PCNX1: variants seen among roughly 807,000 people sequenced by gnomAD.
PCNX1 encodes the protein pecanex 1, also known as pecanex-like protein 1.
Under a neutral mutation model 242.2 loss-of-function variants are expected in PCNX1, and 78 were observed. The observed-to-expected ratio is 0.32, with a 90% CI of 0.27 to 0.39. The LOEUF (loss-of-function observed/expected upper bound fraction) is 0.39. Among genes scored for constraint, PCNX1 ranks in the 10% least tolerant of loss-of-function variants. The probability of loss-of-function intolerance (pLI) is 1.00; values close to 1 mark genes in which losing one functional copy is unlikely to be tolerated. For missense variants in PCNX1, 2,581 were observed against 2,856.5 expected, an observed-to-expected ratio of 0.90 and a Z score of 2.20; for synonymous variants, 1,024 against 1,032.9, an observed-to-expected ratio of 0.99 and a Z score of 0.17.
intron 7 of PCNX1, among the ~76,000 whole-genome samples, chr14:70,994,005 T>C (rs2059250302): frequency 6.6e-6 from 1 of 152,204 alleles, no homozygotes; most frequent in Non-Finnish European, 1.5e-5. Context: ...ATAAATACTT[T>C]TATCATTATG....
At chr14:70,928,221 G>A (rs2056662854) in intron 1 of PCNX1, among the ~76,000 whole-genome samples, 1 of 152,120 alleles carries the variant, frequency 6.6e-6, no homozygotes, top group African/African-American at 2.4e-5. Context: ...TTGCTCATAA[G>A]GTAATCCCAT....
Position 70,977,884 on chromosome 14 carries a change from A to T in PCNX1, c.1547A>T (p.Glu516Val). ...PPGNTAENKEEKSDKSAVSVD... is the reference protein window; with the variant it reads ...PPGNTAENKEVKSDKSAVSVD... ...GGGAACACTGCAGAAAACAAAGAAG[A>T]GAAGAGTGATAAGTCAGCTGTTTCT... Residue 516 changes from glutamate (E) to valine (V), a missense_variant, in exon 6 of 36, where the codon GAG becomes GTG. Around this residue, in one of 9 missense-constraint regions of PCNX1, gnomAD observed 1,204 missense variants for 1,216.7 expected, o/e 0.99. Coordinates refer to ENST00000304743, the MANE Select transcript of PCNX1 (RefSeq NM_014982.3). 1.2e-6 allele frequency: 2 copies of T among 1,614,100 alleles called. No homozygotes were observed. The highest frequency in any genetic ancestry group is 1.7e-6 in the Non-Finnish European group (2 of 1,180,006).
intron 30 of PCNX1, chr14:71,092,744 G>C (rs886241413): frequency 6.6e-6 from 1 of 152,148 alleles, no homozygotes; most frequent in East Asian, 1.9e-4. Context: ...GCAGAGAGGG[G>C]TTTATGATCG....
intron 8 of PCNX1, among the ~76,000 whole-genome samples, chr14:71,006,590 A>G (rs77840046): frequency 0.034 from 5,142 of 152,290 alleles, 116 homozygotes; most frequent in Non-Finnish European, 0.052. Context: ...GAATAATATT[A>G]AAATAGGGGT....
chr14:71,088,570 C>T, intron 29 of PCNX1, 140 bp downstream of exon 29: 2 of 519,274 alleles, frequency 3.9e-6, no homozygotes, highest in Non-Finnish European at 7.0e-6. Context: ...TATACATCAT[C>T]TTCTTGAACA....
intron 7 of PCNX1, among the ~76,000 whole-genome samples, chr14:70,993,923 A>G (rs562338855): frequency 6.6e-6 from 1 of 152,348 alleles, no homozygotes; most frequent in East Asian, 1.9e-4. Context: ...TTATCTGATT[A>G]TATTAGTTCC....
At chr14:71,021,548 A>G (rs1402994579) in intron 12 of PCNX1, among the ~76,000 whole-genome samples, 1 of 152,098 alleles carries the variant, frequency 6.6e-6, no homozygotes, top group Non-Finnish European at 1.5e-5. Context: ...TTCTCCATTT[A>G]TAGCTAGACA....
At chr14:70,988,880 A>G (rs2059075978) in intron 7 of PCNX1, among the ~76,000 whole-genome samples, 181 bp downstream of exon 7, 1 of 152,012 alleles carries the variant, frequency 6.6e-6, no homozygotes, top group South Asian at 2.1e-4. Flanking sequence ...TGCATTATGC[A>G]TGCTTTATGT....
intron 3 of PCNX1, among the ~76,000 whole-genome samples, chr14:70,965,937 A>C (rs2058365513): frequency 6.6e-6 from 1 of 152,172 alleles, no homozygotes; most frequent in Admixed American, 6.5e-5. Context: ...TTCACCCTCA[A>C]GTGTAAAAAG....
At chr14:70,961,041 C>G (rs1369582983) in intron 2 of PCNX1, among the ~76,000 whole-genome samples, 1 of 152,150 alleles carries the variant, frequency 6.6e-6, no homozygotes, top group Non-Finnish European at 1.5e-5. Context: ...GAAGAACATT[C>G]CATGCTCATA....
At chr14:71,085,114 G>A (rs10438024) in intron 28 of PCNX1, among the ~76,000 whole-genome samples, 2,058 of 152,312 alleles carry the variant, frequency 0.014, 34 homozygotes, top group African/African-American at 0.047. Context: ...CCGACCTCTT[G>A]TGCTTCCCAA....
In PCNX1 at chr14:71,028,012, A is replaced by G. The variant is rs2060283496; in HGVS notation, c.3467-688A>G. ...GGAATTATTTCTGTAGATTTCTTTTATTATTATTAAATTACTACTAAAGAA... is the reference window on the plus strand; with the variant it reads ...GGAATTATTTCTGTAGATTTCTTTTGTTATTATTAAATTACTACTAAAGAA... On this transcript the variant is annotated intron_variant, in intron 15 of 35. Coordinates refer to ENST00000304743, the MANE Select transcript of PCNX1 (RefSeq NM_014982.3). 2.6e-5 allele frequency among the ~76,000 whole-genome samples: 4 copies of G among 151,790 alleles called. No individual in the cohort carries two copies. The South Asian group carries it at 6.2e-4, about 24-fold the overall frequency.
intron 2 of PCNX1, among the ~76,000 whole-genome samples, chr14:70,948,710 T>A (rs1381133076): frequency 6.7e-6 from 1 of 149,506 alleles, no homozygotes; most frequent in Non-Finnish European, 1.5e-5. Context: ...TATACACACA[T>A]ACACATAAGT....
intron 33 of PCNX1, among the ~76,000 whole-genome samples, chr14:71,106,176 A>C (rs947314134): frequency 2.6e-5 from 4 of 151,330 alleles, no homozygotes; most frequent in African/African-American, 4.9e-5. Flanking sequence ...ACTGCGCCCA[A>C]CTAATTTTTT....
At chr14:70,947,926 G>T (rs562209937) in intron 2 of PCNX1, among the ~76,000 whole-genome samples, 1 of 152,214 alleles carries the variant, frequency 6.6e-6, no homozygotes. Flanking sequence ...CACTCTGGGA[G>T]TGTCTGTCTT....
At chr14:71,070,082 G>C (rs2061552531) in intron 26 of PCNX1, among the ~76,000 whole-genome samples, 1 of 152,144 alleles carries the variant, frequency 6.6e-6, no homozygotes. Context: ...TCACTTAGGA[G>C]TCAATTTCTT....
chr14:70,993,502 G>A (rs7492431), intron 7 of PCNX1, among the ~76,000 whole-genome samples: 22,490 of 151,860 alleles, frequency 0.15, 2,029 homozygotes, highest in African/African-American at 0.25. Flanking sequence ...ATGGATTCTG[G>A]CTAATTTTAT....
chr14:71,019,561 C>A (rs1349340923), intron 12 of PCNX1, among the ~76,000 whole-genome samples: 1 of 152,070 alleles, frequency 6.6e-6, no homozygotes, highest in Non-Finnish European at 1.5e-5. Context: ...GCCACCATGG[C>A]TGGCTAATTT....
intron 8 of PCNX1, among the ~76,000 whole-genome samples, chr14:70,999,810 G>C (rs2059450727): frequency 6.6e-6 from 1 of 152,126 alleles, no homozygotes; most frequent in African/African-American, 2.4e-5. Context: ...AGACTCAGGT[G>C]ATCAACAGTA....
Sources: gnomAD v4.1 joint callset for allele counts (sites outside exome capture counted in the v4.1 genomes callset) on GRCh38, gnomAD v4.1.1 for gene constraint, gnomAD v4.1.1 regional missense constraint, MANE v1.5 for transcripts, NCBI Gene and HGNC (gene_info 2026-07-23, HGNC 2026-07-21) for gene names.